Variants in PRR14L observed in about 807,000 individuals in gnomAD.
PRR14L encodes the protein proline rich 14 like.
A neutral mutation model predicts 155.0 loss-of-function variants in PRR14L; 80 were observed. That is an observed-to-expected ratio of 0.52 (90% CI 0.43 to 0.62). PRR14L has a LOEUF of 0.62. Among genes scored for constraint, PRR14L ranks in the 20% least tolerant of loss-of-function variants. The probability of loss-of-function intolerance (pLI) is 0.00; values close to 1 mark genes in which losing one functional copy is unlikely to be tolerated. For synonymous variants in PRR14L, 883 were observed against 916.0 expected, an observed-to-expected ratio of 0.96 and a Z score of 0.65; for missense variants, 2,469 against 2,548.0, an observed-to-expected ratio of 0.97 and a Z score of 0.67.
intron 1 of PRR14L, among the ~76,000 whole-genome samples, chr22:31,745,008 C>G (rs1360549893): frequency 1.3e-5 from 2 of 152,172 alleles, no homozygotes; most frequent in African/African-American, 4.8e-5. Context: ...AATTTCTGAA[C>G]AGAATTGCAG....
intron 7 of PRR14L, among the ~76,000 whole-genome samples, chr22:31,693,802 T>G (rs551204622): frequency 1.3e-5 from 2 of 152,372 alleles, no homozygotes; most frequent in South Asian, 4.1e-4. Flanking sequence ...TCCTGTTCAT[T>G]AACACTATTT....
At position 31,712,347 on chromosome 22, in the gene PRR14L, C is replaced by T. The variant is rs759984222; in HGVS notation, c.5492G>A (p.Cys1831Tyr). ...HTLLALCSPG[C>Y]YRIWTKKRSF... Reference sequence around the variant, plus strand: ...CCGTTTTTTTGTCCAGATTCGGTAACATCCTGGGGAACAAAGTGCTAGAAG... The same window carrying T: ...CCGTTTTTTTGTCCAGATTCGGTAATATCCTGGGGAACAAAGTGCTAGAAG... The change falls in exon 4 of 9, where the codon TGT (cysteine) becomes TAT (tyrosine). Residue 1831 changes from cysteine to tyrosine, a missense_variant. Physicochemically the swap from Cys to Tyr is radical, Grantham distance 194. Around this residue, in one of 2 missense-constraint regions of PRR14L, gnomAD observed 2,363 missense variants for 2,371.6 expected, o/e 1.00. Coordinates refer to ENST00000327423, the MANE Select transcript of PRR14L (RefSeq NM_173566.3). 37 of 1,614,002 alleles carry T rather than the reference C, an allele frequency of 2.3e-5. No individual in the cohort carries two copies. The highest frequency in any genetic ancestry group is 3.1e-5 in the Non-Finnish European group (37 of 1,179,946).
rs1163641720 is a variant in PRR14L, at chr22:31,712,518, C to T, written c.5321G>A (p.Gly1774Glu). 6.4e-7 allele frequency: 1 copy of T among 1,551,658 alleles called. No individual in the cohort carries two copies. The highest frequency in any genetic ancestry group is 8.7e-7 in the Non-Finnish European group (1 of 1,147,020). Residue 1774 changes from glycine to glutamate, a missense_variant, in exon 4 of 9, where the codon GGG becomes GAG. Physicochemically the swap from Gly to Glu is moderately conservative, Grantham distance 98. Transcript: ENST00000327423. Reference sequence around the variant, plus strand: ...AGTGTCTTCCCTGAATGTTGCCATCCCAGGGCAACCGTGGGACAAGAAGAA... The same window carrying T: ...AGTGTCTTCCCTGAATGTTGCCATCTCAGGGCAACCGTGGGACAAGAAGAA... ...FSFFLSHGCP[G>E]MATFREDTGV...
rs910184654 is a variant in PRR14L, at chr22:31,713,608, C to T, written c.4231G>A (p.Ala1411Thr). 4 of 1,551,816 alleles carry T rather than the reference C, an allele frequency of 2.6e-6. No homozygotes were observed. In the African/African-American group the frequency reaches 4.1e-5, roughly 16 times the overall value. ...ATGCACTGTTGCGATATCGTATGTG[C>T]TTTTTGTTGACGTATATATTTCTCT... ...KEEKYIRQQK[A>T]HTISQQCISS... Residue 1411 changes from alanine (A) to threonine (T), a missense_variant, in exon 4 of 9, where the codon GCA (alanine) becomes ACA (threonine). Coordinates refer to ENST00000327423, the MANE Select transcript of PRR14L (RefSeq NM_173566.3).
At chr22:31,710,090 AC>A (rs891047699) in intron 4 of PRR14L, among the ~76,000 whole-genome samples, 66 of 151,688 alleles carry the variant, frequency 4.4e-4, no homozygotes, top group African/African-American at 1.6e-3. Context: ...ACAGGCATAC[AC>A]CACTATGCCT....
intron 7 of PRR14L, among the ~76,000 whole-genome samples, chr22:31,700,820 C>T (rs1359924929): frequency 1.3e-5 from 2 of 152,102 alleles, no homozygotes; most frequent in Admixed American, 6.6e-5. Flanking sequence ...TCCCAAAGTG[C>T]TGGGATTACA....
Position 31,682,925 on chromosome 22 carries a change from C to T in PRR14L, c.*2602G>A, listed in dbSNP as rs2074462151. 5.3e-5 allele frequency: 8 copies of T among 152,214 alleles called. No homozygotes were observed. The South Asian group carries it at 1.4e-3, about 28-fold the overall frequency. 9.4% of individuals were successfully genotyped at this position (152,214 alleles called of 1,614,324 possible). Reference sequence around the variant, plus strand: ...CACTGCAGCTGGCTCAGTGCCGAAACTGAATGTTAAGACAGGTGTGGCTGA... The same window carrying T: ...CACTGCAGCTGGCTCAGTGCCGAAATTGAATGTTAAGACAGGTGTGGCTGA... On this transcript the variant is annotated 3_prime_UTR_variant, in exon 9 of 9. Transcript: ENST00000327423.
chr22:31,703,352 T>G (rs1477603961), intron 6 of PRR14L, among the ~76,000 whole-genome samples, 198 bp downstream of exon 6: 1 of 152,160 alleles, frequency 6.6e-6, no homozygotes, highest in East Asian at 1.9e-4. Flanking sequence ...TGGAAAACAA[T>G]GCAGATTAAA....
In PRR14L at chr22:31,712,847, T is replaced by A; in HGVS notation, c.4992A>T (p.Ser1664=). The A allele has an allele frequency of 1.3e-6, 2 of 1,552,068 alleles. No homozygotes were observed. The highest frequency in any genetic ancestry group is 1.7e-6 in the Non-Finnish European group (2 of 1,147,082). The change falls in exon 4 of 9, where the codon TCA becomes TCT. Residue 1664 remains serine, a synonymous_variant. Transcript: ENST00000327423. The part of the protein sequence containing the change: ...LRYKRLLDGF[S]SSTEQLNPYL... The stretch of plus-strand genomic sequence containing the variant: ...ATGGATTCAGCTGCTCTGTGCTGGA[T>A]GAAAATCCGTCCAGGAGTCTTTTAT...
At chr22:31,706,365 A>C (rs1226631245) in intron 4 of PRR14L, among the ~76,000 whole-genome samples, 16 of 125,758 alleles carry the variant, frequency 1.3e-4, no homozygotes, top group African/African-American at 3.3e-4. Flanking sequence ...TCTATCTCAC[A>C]AAAAAAAAAA....
intron 1 of PRR14L, among the ~76,000 whole-genome samples, chr22:31,745,480 C>G (rs1023702396): frequency 6.6e-6 from 1 of 152,116 alleles, no homozygotes; most frequent in East Asian, 1.9e-4. Flanking sequence ...TGACAGAACC[C>G]GATTTTGAGA....
rs375703813 is a variant in PRR14L, at chr22:31,712,230, G to A, written c.5609C>T (p.Ala1870Val). Residue 1870 changes from alanine (A) to valine (V), a missense_variant, in exon 4 of 9, where the codon GCA (alanine) becomes GTA (valine). By Grantham distance (64) the Ala-to-Val change is moderately conservative. Transcript: ENST00000327423. The stretch of plus-strand genomic sequence containing the variant: ...GGGCAGAGAACAGAAGACCTTGTCT[G>A]CTATGGAGGCTGGAGACCGTAACCC... ...LKGLRSPASI[A>V]DKVFCSLPYS... The A allele has an allele frequency of 5.0e-6, 8 of 1,614,114 alleles. No homozygotes were observed. The African/African-American group carries it at 1.1e-4, about 22-fold the overall frequency.
At chr22:31,719,533 G>C (rs1035162943) in intron 3 of PRR14L, among the ~76,000 whole-genome samples, 1 of 152,100 alleles carries the variant, frequency 6.6e-6, no homozygotes, top group African/African-American at 2.4e-5. Flanking sequence ...ATAATGCCTG[G>C]TATATAAAAG....
chr22:31,700,029 T>G (rs1302624008), intron 7 of PRR14L, among the ~76,000 whole-genome samples: 1 of 152,096 alleles, frequency 6.6e-6, no homozygotes, highest in African/African-American at 2.4e-5. Context: ...ATCTGGCATT[T>G]GACATTTGCC....
rs201171042 is a variant in PRR14L, at chr22:31,717,308, A to T, written c.548-17T>A. ...CATTTCCTTCTGAATAAGAGAAATAAATCCAAATTAATATGCAGTAATAAA... is the reference window on the plus strand; with the variant it reads ...CATTTCCTTCTGAATAAGAGAAATATATCCAAATTAATATGCAGTAATAAA... On this transcript the variant is annotated splice_polypyrimidine_tract_variant and intron_variant, in intron 3 of 8. Coordinates refer to ENST00000327423, the MANE Select transcript of PRR14L (RefSeq NM_173566.3). The T allele has an allele frequency of 4.8e-5, 72 of 1,510,358 alleles. No homozygotes were observed. The highest frequency in any genetic ancestry group is 3.4e-4 in the Middle Eastern group (2 of 5,850). The allele number at this position is 1,510,358 out of a possible 1,614,324, so 93.6% of individuals were successfully genotyped here. A position where few individuals can be genotyped will look rare whatever the true frequency, so the allele number is the denominator to read the frequency against.
At chr22:31,700,160 A>G (rs535482977) in intron 7 of PRR14L, among the ~76,000 whole-genome samples, 2 of 152,218 alleles carry the variant, frequency 1.3e-5, no homozygotes, top group East Asian at 1.9e-4. Context: ...ATGCTAGATC[A>G]CTCTATGATT....
At chr22:31,706,492 T>C (rs1270373384) in intron 4 of PRR14L, among the ~76,000 whole-genome samples, 1 of 148,618 alleles carries the variant, frequency 6.7e-6, no homozygotes, top group Non-Finnish European at 1.5e-5. Flanking sequence ...TGGCGCGATC[T>C]CATCTCACTG....
At position 31,713,885 on chromosome 22, in the gene PRR14L, G is replaced by A. The variant is rs576820304; in HGVS notation, c.3954C>T (p.Ser1318=). The A allele has an allele frequency of 2.6e-6, 4 of 1,552,082 alleles. No individual in the cohort carries two copies. Among genetic ancestry groups the A allele is most frequent in the African/African-American group, 2.7e-5 (2 of 73,152 alleles). The change falls in exon 4 of 9, where the codon TCC becomes TCT. Residue 1318 remains serine, a synonymous_variant. Transcript: ENST00000327423. ...CTGTCAAAGGCAAATGTCTGTCAGA[G>A]GAATTCTCGTGAGGGTGACAAGCTT... ...ACKACHPHEN[S]SDRHLPLTVK...
intron 3 of PRR14L, among the ~76,000 whole-genome samples, chr22:31,724,624 T>C (rs1298525205): frequency 6.6e-6 from 1 of 152,126 alleles, no homozygotes; most frequent in Non-Finnish European, 1.5e-5. Context: ...TCTCAAACTC[T>C]TGGACTTAAG....
Sources: allele counts gnomAD v4.1 joint callset (sites outside exome capture counted in the v4.1 genomes callset), GRCh38; gene constraint gnomAD v4.1.1; regional missense constraint gnomAD v4.1.1; transcripts MANE v1.5; gene names NCBI Gene and HGNC (gene_info 2026-07-23, HGNC 2026-07-21).